Variants in PTK2B observed in about 807,000 individuals in gnomAD.
PTK2B encodes protein tyrosine kinase 2 beta, also known as protein-tyrosine kinase 2-beta.
PTK2B carries 71 observed loss-of-function variants against 142.9 expected under a neutral mutation model. The ratio of observed to expected loss-of-function variants is 0.50; its 90% CI spans 0.41 to 0.61. PTK2B has a LOEUF of 0.61. PTK2B is among the 20% of genes least tolerant of loss of function. The pLI is 0.00. For synonymous variants in PTK2B, 519 were observed against 503.4 expected, an observed-to-expected ratio of 1.03 and a Z score of -0.42; for missense variants, 1,105 against 1,320.4, an observed-to-expected ratio of 0.84 and a Z score of 2.53.
intron 5 of PTK2B, among the ~76,000 whole-genome samples, chr8:27,424,117 T>C (rs192864045): frequency 6.6e-6 from 1 of 152,258 alleles, no homozygotes; most frequent in East Asian, 1.9e-4. Flanking sequence ...ATTAGACAAG[T>C]CGAAAAAGCT....
intron 1 of PTK2B, among the ~76,000 whole-genome samples, chr8:27,362,770 G>T (rs1586163292): frequency 6.6e-6 from 1 of 152,202 alleles, no homozygotes; most frequent in East Asian, 1.9e-4. Flanking sequence ...CCGTTACCAT[G>T]CAAAATCTAG....
intron 2 of PTK2B, among the ~76,000 whole-genome samples, chr8:27,401,217 G>A (rs1808367151): frequency 1.3e-5 from 2 of 152,108 alleles, no homozygotes; most frequent in Admixed American, 6.5e-5. Context: ...AGCCAATGAA[G>A]GAAAAACAAG....
intron 5 of PTK2B, 69 bp downstream of exon 5, chr8:27,422,452 A>T: frequency 7.5e-7 from 1 of 1,328,402 alleles, no homozygotes; most frequent in South Asian, 1.5e-5. Flanking sequence ...ACCTTTCCCC[A>T]TGTCCAAGAT....
At chr8:27,403,164 C>T (rs1463013859) in intron 2 of PTK2B, among the ~76,000 whole-genome samples, 3 of 152,190 alleles carry the variant, frequency 2.0e-5, no homozygotes, top group Non-Finnish European at 1.5e-5. Context: ...TTTGTATCTT[C>T]CTTTCCTCAT....
chr8:27,375,791 G>A (rs1190148040), intron 1 of PTK2B, among the ~76,000 whole-genome samples: 1 of 152,218 alleles, frequency 6.6e-6, no homozygotes, highest in East Asian at 1.9e-4. Flanking sequence ...GTCCACTTAT[G>A]TCTGGTTTAG....
At chr8:27,356,663 A>G (rs114946623) in intron 1 of PTK2B, among the ~76,000 whole-genome samples, 2,991 of 152,346 alleles carry the variant, frequency 0.02, 100 homozygotes, top group African/African-American at 0.068. Context: ...GGAAAAACGT[A>G]AACAATGCAA....
intron 17 of PTK2B, 112 bp from the exon 18 acceptor site, chr8:27,437,653 G>A: frequency 7.9e-7 from 1 of 1,267,686 alleles, no homozygotes. Flanking sequence ...GCCAGCTTTG[G>A]GTTTGTCTCC....
intron 1 of PTK2B, among the ~76,000 whole-genome samples, chr8:27,344,943 G>A (rs1016457695): frequency 3.3e-5 from 5 of 152,162 alleles, no homozygotes; most frequent in Admixed American, 6.5e-5. Flanking sequence ...AGGCCAAGGC[G>A]GGTGGATCAC....
In PTK2B at chr8:27,357,534, A is replaced by G. The variant is rs562922294; in HGVS notation, c.-38+31853A>G. Among the ~76,000 whole-genome samples, 16 of 152,364 alleles carry G rather than the reference A, an allele frequency of 1.1e-4. No homozygotes were observed. In the East Asian group the frequency reaches 3.1e-3, roughly 29 times the overall value. ...CCTGCCATCTCCCTTAACCGCTATC[A>G]GGAGCATCATTTCCCAACCACCAGC... On this transcript the variant is annotated intron_variant, in intron 1 of 30. Coordinates refer to ENST00000346049, the MANE Select transcript of PTK2B (RefSeq NM_173176.3).
intron 1 of PTK2B, among the ~76,000 whole-genome samples, chr8:27,332,164 C>G (rs191815144): frequency 6.6e-6 from 1 of 152,318 alleles, no homozygotes; most frequent in African/African-American, 2.4e-5. Flanking sequence ...GTTTTTCAGC[C>G]CGGGCAAGAG....
chr8:27,319,318 C>CT (rs35130657), intron 3 of PTK2B, among the ~76,000 whole-genome samples: 16,355 of 141,628 alleles, frequency 0.12, 2,791 homozygotes, highest in African/African-American at 0.37. Context: ...TTAAAGCAAC[C>CT]TTTTTTTTTT....
rs571652284 is a variant in PTK2B, at chr8:27,454,953, C to T, written c.2814+342C>T. Among the ~76,000 whole-genome samples, 67 of 151,902 alleles carry T rather than the reference C, an allele frequency of 4.4e-4. 1 individual carries two copies. The highest frequency in any genetic ancestry group is 1.5e-3 in the African/African-American group (64 of 41,498). On this transcript the variant is annotated intron_variant, in intron 30 of 30. Transcript: ENST00000346049. ...TGTGTTAAGATTAACATGGATGTGT[C>T]ATAGAAATATCACTTAAGGTTTCTT...
intron 1 of PTK2B, among the ~76,000 whole-genome samples, chr8:27,375,990 C>T (rs1202580683): frequency 6.6e-6 from 1 of 152,196 alleles, no homozygotes; most frequent in Non-Finnish European, 1.5e-5. Context: ...TCTGCTCAGC[C>T]GTGCTGTGGG....
chr8:27,348,683 G>GGCATTCTAC (rs1427882942), intron 1 of PTK2B, among the ~76,000 whole-genome samples: 1 of 152,162 alleles, frequency 6.6e-6, no homozygotes, highest in African/African-American at 2.4e-5. Context: ...CAAATTGGTT[G>GGCATTCTAC]TTGCTTGGCT....
At chr8:27,359,297 G>A (rs1415596164) in intron 1 of PTK2B, among the ~76,000 whole-genome samples, 5 of 152,126 alleles carry the variant, frequency 3.3e-5, no homozygotes, top group Non-Finnish European at 7.3e-5. Flanking sequence ...TGTATTTTTA[G>A]TAGAGAAGGG....
chr8:27,346,666 T>C (rs1292064302), intron 1 of PTK2B, among the ~76,000 whole-genome samples: 2 of 152,200 alleles, frequency 1.3e-5, no homozygotes, highest in Admixed American at 6.5e-5. Context: ...AATATCCCCA[T>C]TGAACAACAA....
At chr8:27,374,418 T>G (rs751138570) in intron 1 of PTK2B, among the ~76,000 whole-genome samples, 23 of 152,288 alleles carry the variant, frequency 1.5e-4, no homozygotes, top group Non-Finnish European at 3.1e-4. Flanking sequence ...GCACACCACA[T>G]AGGGCCCCGT....
chr8:27,452,904 C>T (rs1349954007), intron 27 of PTK2B: 2 of 602,066 alleles, frequency 3.3e-6, no homozygotes, highest in Non-Finnish European at 5.9e-6. Flanking sequence ...CTTTTTCTTC[C>T]TATAAAAGGG....
At chr8:27,341,464 A>G (rs1416660048) in intron 1 of PTK2B, among the ~76,000 whole-genome samples, 1 of 152,198 alleles carries the variant, frequency 6.6e-6, no homozygotes, top group Admixed American at 6.5e-5. Context: ...AGATTCAGAT[A>G]AGAACAAGAT....
Sources: allele counts gnomAD v4.1 joint callset (sites outside exome capture counted in the v4.1 genomes callset), GRCh38; gene constraint gnomAD v4.1.1; transcripts MANE v1.5; gene names NCBI Gene and HGNC (gene_info 2026-07-23, HGNC 2026-07-21).